ARHGAP22: variants seen among roughly 807,000 people sequenced by gnomAD.
ARHGAP22 encodes the protein rho GTPase-activating protein 22.
A neutral mutation model predicts 59.1 loss-of-function variants in ARHGAP22; 48 were observed. That is an observed-to-expected ratio of 0.81 (90% CI 0.64 to 1.03). The LOEUF (loss-of-function observed/expected upper bound fraction) is 1.03, where lower values mean the gene tolerates loss of function less well. ARHGAP22 is among the 50% of genes least tolerant of loss of function. The pLI is 0.00. For synonymous variants in ARHGAP22, 445 were observed against 416.4 expected, an observed-to-expected ratio of 1.07 and a Z score of -0.84; for missense variants, 1,015 against 958.7, an observed-to-expected ratio of 1.06 and a Z score of -0.78.
In ARHGAP22 at chr10:48,604,814, G is replaced by A. The variant is rs749510685; in HGVS notation, c.-18C>T. The A allele has an allele frequency of 2.5e-6, 4 of 1,614,030 alleles. No individual in the cohort carries two copies. Among genetic ancestry groups the A allele is most frequent in the African/African-American group, 1.3e-5 (1 of 74,922 alleles). ...CTCAGCATGTTCTTGCAGCCGTCCG[G>A]CCAGCCCCGCAGGGCCGTTCATGCT... On this transcript the variant is annotated 5_prime_UTR_variant, in exon 1 of 10. Coordinates refer to ENST00000249601, the MANE Select transcript of ARHGAP22 (RefSeq NM_021226.4).
intron 3 of ARHGAP22, among the ~76,000 whole-genome samples, chr10:48,512,578 G>T (rs1332054149): frequency 6.6e-6 from 1 of 152,136 alleles, no homozygotes; most frequent in Non-Finnish European, 1.5e-5. Flanking sequence ...TTTCCATTTT[G>T]GGACATTTTC....
chr10:48,535,777 C>G (rs2055290775), intron 3 of ARHGAP22, among the ~76,000 whole-genome samples: 1 of 152,228 alleles, frequency 6.6e-6, no homozygotes, highest in East Asian at 1.9e-4. Flanking sequence ...TCTTGAAAGA[C>G]TCTCAGTTCA....
chr10:48,567,501 T>A (rs1052355889), intron 2 of ARHGAP22, among the ~76,000 whole-genome samples: 8 of 152,132 alleles, frequency 5.3e-5, no homozygotes, highest in African/African-American at 1.4e-4. Context: ...AGCTCTTGAA[T>A]CCCCTAGTGT....
At chr10:48,587,129 G>GGGGTT (rs2059477439) in intron 1 of ARHGAP22, among the ~76,000 whole-genome samples, 1 of 152,220 alleles carries the variant, frequency 6.6e-6, no homozygotes, top group Non-Finnish European at 1.5e-5. Flanking sequence ...TAAGACAGGT[G>GGGGTT]GGGTTGTGCC....
intron 3 of ARHGAP22, among the ~76,000 whole-genome samples, chr10:48,482,050 A>G (rs1357845596): frequency 6.6e-6 from 1 of 152,148 alleles, no homozygotes; most frequent in Non-Finnish European, 1.5e-5. Context: ...CTCCCAGTCC[A>G]TGTCTCTCTC....
upstream of ARHGAP22, among the ~76,000 whole-genome samples, chr10:48,652,796 G>C (rs188214099): frequency 6.6e-6 from 1 of 152,254 alleles, no homozygotes; most frequent in East Asian, 1.9e-4. Flanking sequence ...CCTTTGTCTG[G>C]TGGGCACAGC....
At position 48,597,185 on chromosome 10, in the gene ARHGAP22, G is replaced by T. The variant is rs2060120286; in HGVS notation, c.34+7578C>A. On this transcript the variant is annotated intron_variant, in intron 1 of 9. Transcript: ENST00000249601. ...TCATAAACATGTGTCTCATGTCTGCGAATGTGAGGCAGGAATCCTCAAGTT... is the reference window on the plus strand; with the variant it reads ...TCATAAACATGTGTCTCATGTCTGCTAATGTGAGGCAGGAATCCTCAAGTT... 3.3e-5 allele frequency among the ~76,000 whole-genome samples: 5 copies of T among 152,086 alleles called. No individual in the cohort carries two copies. The South Asian group carries it at 1.0e-3, about 32-fold the overall frequency.
At chr10:48,589,076 T>C (rs2059601692) in intron 1 of ARHGAP22, among the ~76,000 whole-genome samples, 1 of 152,144 alleles carries the variant, frequency 6.6e-6, no homozygotes, top group Non-Finnish European at 1.5e-5. Context: ...AGGCACATCT[T>C]GAGAGGGTGG....
intron 1 of ARHGAP22, among the ~76,000 whole-genome samples, chr10:48,619,220 A>G (rs1258820218): frequency 6.6e-6 from 1 of 152,148 alleles, no homozygotes; most frequent in Non-Finnish European, 1.5e-5. Context: ...GAAAGGCATC[A>G]CATAGTCATG....
downstream of ARHGAP22, among the ~76,000 whole-genome samples, chr10:48,442,550 A>G (rs970241952): frequency 2.0e-5 from 3 of 148,718 alleles, no homozygotes; most frequent in Admixed American, 6.7e-5. Flanking sequence ...GCCCACCCCC[A>G]CCCACCACCA....
chr10:48,573,440 A>G (rs1437262163), intron 2 of ARHGAP22, among the ~76,000 whole-genome samples: 1 of 152,222 alleles, frequency 6.6e-6, no homozygotes, highest in East Asian at 1.9e-4. Context: ...GTAATATGAC[A>G]TGCTAAAATT....
At chr10:48,579,529 G>A (rs1382013413) in intron 2 of ARHGAP22, among the ~76,000 whole-genome samples, 1 of 152,200 alleles carries the variant, frequency 6.6e-6, no homozygotes, top group Non-Finnish European at 1.5e-5. Flanking sequence ...ATTTGAGCTT[G>A]TGCAAGCTGC....
intron 3 of ARHGAP22, among the ~76,000 whole-genome samples, chr10:48,549,951 C>T (rs1234436168): frequency 6.6e-6 from 1 of 152,202 alleles, no homozygotes; most frequent in African/African-American, 2.4e-5. Flanking sequence ...TCTCCTGCCA[C>T]AGAGGACAAC....
intron 3 of ARHGAP22, among the ~76,000 whole-genome samples, chr10:48,495,964 C>T (rs892794641): frequency 3.3e-5 from 5 of 152,080 alleles, no homozygotes; most frequent in African/African-American, 7.2e-5. Context: ...TACAAATAGC[C>T]GTGTGATTCA....
chr10:48,501,205 G>A (rs868360589), intron 3 of ARHGAP22, among the ~76,000 whole-genome samples: 1 of 152,262 alleles, frequency 6.6e-6, no homozygotes. Context: ...TCTCTGGACA[G>A]AGAAAGAGAA....
In ARHGAP22 at chr10:48,604,898, C is replaced by T. The variant is rs1294887376; in HGVS notation, c.-102G>A. The stretch of plus-strand genomic sequence containing the variant: ...AGTCGCCCCTCATGTCCTGCTCGTT[C>T]GGGGCCCCGTGGCCGCTGGCGTCAC... On this transcript the variant is annotated 5_prime_UTR_variant, in exon 1 of 10. Coordinates refer to ENST00000249601, the MANE Select transcript of ARHGAP22 (RefSeq NM_021226.4). 6.3e-7 allele frequency: 1 copy of T among 1,591,872 alleles called. No homozygotes were observed. Among genetic ancestry groups the T allele is most frequent in the African/African-American group, 1.3e-5 (1 of 74,348 alleles).
At chr10:48,597,399 A>G (rs984353407) in intron 1 of ARHGAP22, among the ~76,000 whole-genome samples, 5 of 152,094 alleles carry the variant, frequency 3.3e-5, no homozygotes, top group Admixed American at 6.6e-5. Flanking sequence ...AGAGTGGAAA[A>G]GTGAAACTGT....
intron 2 of ARHGAP22, among the ~76,000 whole-genome samples, chr10:48,579,102 AT>A (rs67283464): frequency 6.7e-6 from 1 of 149,180 alleles, no homozygotes; most frequent in Non-Finnish European, 1.5e-5. Flanking sequence ...CTTGTTTTTT[AT>A]TTTTTTTTCC....
intron 3 of ARHGAP22, among the ~76,000 whole-genome samples, chr10:48,528,450 G>A (rs1041904848): frequency 6.6e-5 from 10 of 152,172 alleles, no homozygotes; most frequent in Non-Finnish European, 1.3e-4. Context: ...AATGTGGGGC[G>A]GGGGATAGGA....
Sources: gnomAD v4.1 joint callset for allele counts (sites outside exome capture counted in the v4.1 genomes callset) on GRCh38, gnomAD v4.1.1 for gene constraint, MANE v1.5 for transcripts, NCBI Gene and HGNC (gene_info 2026-07-23, HGNC 2026-07-21) for gene names.